The following PDLIM5 variants were observed in gnomAD, a reference collection of about 807,000 sequenced individuals.
PDLIM5 encodes the protein PDZ and LIM domain 5.
PDLIM5 carries 34 observed loss-of-function variants against 64.2 expected under a neutral mutation model. The ratio of observed to expected loss-of-function variants is 0.53; its 90% CI spans 0.40 to 0.71. The LOEUF (loss-of-function observed/expected upper bound fraction) is 0.71, where lower values mean the gene tolerates loss of function less well. PDLIM5 is among the 30% of genes least tolerant of loss of function. The pLI is 0.00. For synonymous variants in PDLIM5, 253 were observed against 269.1 expected (o/e 0.94, Z 0.59); for missense variants, 683 against 733.6 (o/e 0.93, Z 0.80).
chr4:94,572,312 T>C (rs994901801), intron 3 of PDLIM5, among the ~76,000 whole-genome samples: 1 of 152,106 alleles, frequency 6.6e-6, no homozygotes, highest in Non-Finnish European at 1.5e-5. Flanking sequence ...ACTAAGTAAA[T>C]AGGCTTTAAA....
In PDLIM5 at chr4:94,621,771, T is replaced by C. The variant is rs1300186050; in HGVS notation, c.1108+3580T>C. On this transcript the variant is annotated intron_variant, in intron 8 of 12. Coordinates refer to ENST00000317968, the MANE Select transcript of PDLIM5 (RefSeq NM_006457.5). The stretch of plus-strand genomic sequence containing the variant: ...CAAAGTAGGCCAATATTAGCAATTA[T>C]AATAATGAGTCACATGGTTAGTGTT... 3.9e-5 allele frequency among the ~76,000 whole-genome samples: 6 copies of C among 152,374 alleles called. No homozygotes were observed. In the East Asian group the frequency reaches 9.6e-4, roughly 24 times the overall value.
chr4:94,576,210 A>G (rs772325077), intron 5 of PDLIM5, among the ~76,000 whole-genome samples, 176 bp downstream of exon 5: 1 of 152,364 alleles, frequency 6.6e-6, no homozygotes, highest in East Asian at 1.9e-4. Context: ...CTGCAAAGCA[A>G]TTATCACTTA....
intron 9 of PDLIM5, among the ~76,000 whole-genome samples, chr4:94,649,579 G>A (rs1421656925): frequency 6.6e-6 from 1 of 152,118 alleles, no homozygotes; most frequent in Non-Finnish European, 1.5e-5. Context: ...TAAGTTCCAT[G>A]CAATCAGGGC....
chr4:94,511,003 G>A (rs977171982), intron 2 of PDLIM5, among the ~76,000 whole-genome samples: 1 of 152,184 alleles, frequency 6.6e-6, no homozygotes, highest in Admixed American at 6.5e-5. Flanking sequence ...ATGAAAAATT[G>A]TAAAGTCTAT....
intron 11 of PDLIM5, among the ~76,000 whole-genome samples, chr4:94,658,825 C>T (rs958450991): frequency 6.6e-6 from 1 of 152,216 alleles, no homozygotes; most frequent in Admixed American, 6.5e-5. Flanking sequence ...AGCTGCCTTC[C>T]TCAATTCAAC....
In PDLIM5 at chr4:94,665,020, A is replaced by G; in HGVS notation, c.*953A>G. The G allele has an allele frequency of 1.0e-6, 1 of 980,560 alleles. No individual in the cohort carries two copies. Among genetic ancestry groups the G allele is most frequent in the East Asian group, 1.1e-4 (1 of 8,790 alleles). 60.7% of individuals were successfully genotyped at this position (980,560 alleles called of 1,614,324 possible). ...CTTCCCCACCCAAAAATAAGCTACC[A>G]TATAGCTTATAAGTCTCAAATTTTT... On this transcript the variant is annotated 3_prime_UTR_variant, in exon 13 of 13. Coordinates refer to ENST00000317968, the MANE Select transcript of PDLIM5 (RefSeq NM_006457.5).
intron 7 of PDLIM5, among the ~76,000 whole-genome samples, chr4:94,600,896 A>C (rs997531648): frequency 6.6e-6 from 1 of 152,232 alleles, no homozygotes; most frequent in Non-Finnish European, 1.5e-5. Context: ...CATTTTCTAT[A>C]TAGAGATCAA....
At position 94,541,352 on chromosome 4, in the gene PDLIM5, AC is replaced by A; in HGVS notation, c.248+17479del. On this transcript the variant is annotated intron_variant, in intron 3 of 12. Transcript: ENST00000317968. The stretch of plus-strand genomic sequence containing the variant: ...ATGCCCTGGCATTTTCTGCAAACTT[AC>A]CACTTGATGGGTGCTAAAATATGTT... Among the ~76,000 whole-genome samples, 3 of 152,326 alleles carry A rather than the reference AC, an allele frequency of 2.0e-5. No homozygotes were observed. In the Middle Eastern group the frequency reaches 0.01, roughly 518 times the overall value.
chr4:94,499,334 CATTT>C (rs903751596), intron 2 of PDLIM5, among the ~76,000 whole-genome samples: 2 of 151,902 alleles, frequency 1.3e-5, no homozygotes, highest in Non-Finnish European at 2.9e-5. Context: ...TGGAAACTTT[CATTT>C]ATTTATTTAT....
chr4:94,619,145 A>AC (rs1472413261), intron 8 of PDLIM5, among the ~76,000 whole-genome samples: 7 of 152,042 alleles, frequency 4.6e-5, no homozygotes, highest in Non-Finnish European at 7.4e-5. Context: ...AGACTTTTAG[A>AC]CCCCACGCCC....
chr4:94,552,696 T>C (rs562159860), intron 3 of PDLIM5, among the ~76,000 whole-genome samples: 1 of 152,214 alleles, frequency 6.6e-6, no homozygotes, highest in South Asian at 2.1e-4. Context: ...ATATGACATT[T>C]TTCATAAGAA....
At chr4:94,622,772 G>A (rs998180268) in intron 8 of PDLIM5, among the ~76,000 whole-genome samples, 4 of 152,104 alleles carry the variant, frequency 2.6e-5, no homozygotes, top group Middle Eastern at 3.4e-3. Context: ...CCAGGTTCAA[G>A]TGATTCTCCT....
Position 94,665,495 on chromosome 4 carries a change from AAAAAAAAAAAAG to A in PDLIM5, c.*1430_*1441del, listed in dbSNP as rs1743032375. Reference sequence around the variant, plus strand: ...ACTCCGGCTCTTAAAAAAAAAAAAAAAAAAAAAAAAAGAGAGAGAGAGAATAAATAGAAAAGA... The same window carrying A: ...ACTCCGGCTCTTAAAAAAAAAAAAAAAGAGAGAGAGAATAAATAGAAAAGA... On this transcript the variant is annotated 3_prime_UTR_variant, in exon 13 of 13. Transcript: ENST00000317968. The A allele has an allele frequency of 2.6e-6, 2 of 772,760 alleles. No individual in the cohort carries two copies. The highest frequency in any genetic ancestry group is 3.1e-6 in the Non-Finnish European group (2 of 651,830). 47.9% of individuals were successfully genotyped at this position (772,760 alleles called of 1,614,324 possible). A position where few individuals can be genotyped will look rare whatever the true frequency, so the allele number is the denominator to read the frequency against.
At chr4:94,468,212 G>A (rs1724544427) in intron 2 of PDLIM5, among the ~76,000 whole-genome samples, 1 of 152,012 alleles carries the variant, frequency 6.6e-6, no homozygotes, top group Non-Finnish European at 1.5e-5. Context: ...GAGTGCAGTG[G>A]CACAATCAGA....
At chr4:94,527,407 C>G (rs1338798307) in intron 3 of PDLIM5, among the ~76,000 whole-genome samples, 2 of 152,074 alleles carry the variant, frequency 1.3e-5, no homozygotes, top group African/African-American at 2.4e-5. Flanking sequence ...CACTTCTCAC[C>G]AACCAGATTA....
intron 2 of PDLIM5, among the ~76,000 whole-genome samples, chr4:94,464,040 G>C (rs1367659554): frequency 1.3e-5 from 2 of 152,128 alleles, no homozygotes. Context: ...GTAACAAAAA[G>C]AGTAAGGATG....
At position 94,508,509 on chromosome 4, in the gene PDLIM5, G is replaced by A. The variant is rs755912890; in HGVS notation, c.97-15215G>A. 1.6e-4 allele frequency among the ~76,000 whole-genome samples: 25 copies of A among 152,278 alleles called. 1 individual carries two copies. The Middle Eastern group carries it at 0.01, about 62-fold the overall frequency. ...CTACAGCTGTATAAAGGAGTCTGTT[G>A]CCATACGTCCTGGGGCTGGAATGGG... On this transcript the variant is annotated intron_variant, in intron 2 of 12. Transcript: ENST00000317968.
At chr4:94,464,736 T>C (rs1316858851) in intron 2 of PDLIM5, among the ~76,000 whole-genome samples, 3 of 152,234 alleles carry the variant, frequency 2.0e-5, no homozygotes, top group Non-Finnish European at 2.9e-5. Context: ...ATGGTTGTTT[T>C]GATCTTTTTA....
chr4:94,536,069 A>G (rs2110169404), intron 3 of PDLIM5, among the ~76,000 whole-genome samples: 1 of 152,258 alleles, frequency 6.6e-6, no homozygotes, highest in African/African-American at 2.4e-5. Context: ...TAAAAACTTA[A>G]AACTGTGTGC....
Sources: gnomAD v4.1 joint callset for allele counts (sites outside exome capture counted in the v4.1 genomes callset) on GRCh38, gnomAD v4.1.1 for gene constraint, MANE v1.5 for transcripts, NCBI Gene and HGNC (gene_info 2026-07-23, HGNC 2026-07-21) for gene names.